Variants in ERCC6 observed in about 807,000 individuals in gnomAD.
The protein encoded by ERCC6 is ERCC excision repair 6, chromatin remodeling factor.
ERCC6 carries 116 observed loss-of-function variants against 158.7 expected under a neutral mutation model. The observed-to-expected ratio is 0.73, with a 90% CI of 0.63 to 0.85. ERCC6 has a LOEUF of 0.85. ERCC6 is among the 40% of genes least tolerant of loss of function. ERCC6 has a pLI of 0.00. For synonymous variants in ERCC6, 678 were observed against 659.3 expected (o/e 1.03, Z -0.43); for missense variants, 1,698 against 1,799.4 (o/e 0.94, Z 1.02).
chr10:49,539,243 G>T (rs1376797465), upstream of ERCC6, among the ~76,000 whole-genome samples: 1 of 152,256 alleles, frequency 6.6e-6, no homozygotes, highest in Non-Finnish European at 1.5e-5. Context: ...CTCCGCTGCC[G>T]GTCAGCTGGG....
At chr10:49,464,741 G>A (rs113059414) in intron 18 of ERCC6, among the ~76,000 whole-genome samples, 42 of 152,358 alleles carry the variant, frequency 2.8e-4, no homozygotes, top group African/African-American at 9.6e-4. Flanking sequence ...GCTTCAGATG[G>A]TGCAAGCCCC....
rs1419275144 is a variant in ERCC6 at position 49,493,147 on chromosome 10, T to C, written c.1791A>G (p.Leu597=). The C allele has an allele frequency of 6.2e-7, 1 of 1,614,182 alleles. No homozygotes were observed. Among genetic ancestry groups the C allele is most frequent in the Admixed American group, 1.7e-5 (1 of 60,030 alleles). The change falls in exon 8 of 21, where the codon CTA becomes CTG. Residue 597 remains leucine, a synonymous_variant. Transcript: ENST00000355832. ...TWWPPFRVAI[L]HETGSYTHKK... is the part of the protein sequence containing the mutation. ...TGTGGGTATAGGAACCGGTTTCATG[T>C]AGAATTGCCACTCTGAACGGAGGCC...
At chr10:49,436,639 C>T in the ERCC6 span, among the ~76,000 whole-genome samples, 1 of 152,250 alleles carries the variant, frequency 6.6e-6, no homozygotes, top group South Asian at 2.1e-4. Flanking sequence ...AGTCTGATAG[C>T]ATTACATATT....
Position 49,532,810 on chromosome 10 carries a change from T to C in ERCC6, c.155A>G (p.Asp52Gly). ...EEYLSFRSVG[D>G]GLSTSAVGCA... is the part of the protein sequence containing the mutation. ...CCCCACAGCAGAGGTGGACAGCCCG[T>C]CACCCACAGAACGAAAGGAGAGGTA... The change falls in exon 2 of 21, where the codon GAC becomes GGC. Residue 52 changes from aspartate (D) to glycine (G), a missense_variant. Transcript: ENST00000355832. 6.2e-7 allele frequency: 1 copy of C among 1,614,176 alleles called. No individual in the cohort carries two copies.
At chr10:49,508,689 C>A (rs1851485623) in intron 5 of ERCC6, among the ~76,000 whole-genome samples, 1 of 152,072 alleles carries the variant, frequency 6.6e-6, no homozygotes, top group Non-Finnish European at 1.5e-5. Context: ...GCATACAGAG[C>A]TCAGGCGAAG....
intron 10 of ERCC6, among the ~76,000 whole-genome samples, chr10:49,480,797 T>A (rs935480689): frequency 2.2e-4 from 34 of 152,128 alleles, no homozygotes; most frequent in Admixed American, 6.5e-4. Flanking sequence ...CTAGCCAAAA[T>A]GTATAACCTG....
upstream of ERCC6, chr10:49,539,504 T>G (rs1837686702): frequency 6.6e-6 from 1 of 152,398 alleles, no homozygotes; most frequent in Admixed American, 6.5e-5. Context: ...AGAGCTGTCC[T>G]GCTTCTCTGT....
intron 15 of ERCC6, 135 bp downstream of exon 15, chr10:49,472,774 G>T: frequency 1.8e-6 from 2 of 1,087,426 alleles, no homozygotes; most frequent in Non-Finnish European, 2.6e-6. Context: ...CTTCTTTCAC[G>T]TTGAAGAACA....
chr10:49,490,057 T>C (rs1487781618), intron 8 of ERCC6, among the ~76,000 whole-genome samples: 1 of 152,232 alleles, frequency 6.6e-6, no homozygotes, highest in Non-Finnish European at 1.5e-5. Flanking sequence ...AAAGGAAATC[T>C]TGAACTTTTA....
intron 8 of ERCC6, among the ~76,000 whole-genome samples, chr10:49,484,327 C>T (rs1851039485): frequency 6.6e-6 from 1 of 151,010 alleles, no homozygotes; most frequent in African/African-American, 2.4e-5. Context: ...AAAACAATCA[C>T]CATAAATGGA....
chr10:49,476,334 A>G, intron 11 of ERCC6, 24 bp from the exon 12 acceptor site: 1 of 1,533,676 alleles, frequency 6.5e-7, no homozygotes, highest in Non-Finnish European at 9.0e-7. Flanking sequence ...AAACAAGGAA[A>G]CTATAATTTC....
chr10:49,534,390 T>C (rs769355279), intron 1 of ERCC6, among the ~76,000 whole-genome samples: 2 of 152,208 alleles, frequency 1.3e-5, no homozygotes, highest in Non-Finnish European at 2.9e-5. Flanking sequence ...AGAGAACTAG[T>C]CACACACAGG....
At position 49,500,704 on chromosome 10, in the gene ERCC6, A is replaced by C. The variant is rs768505023; in HGVS notation, c.1527-8T>G. On this transcript the variant is annotated splice_region_variant and splice_polypyrimidine_tract_variant and intron_variant, in intron 6 of 20. Coordinates refer to ENST00000355832, the MANE Select transcript of ERCC6 (RefSeq NM_000124.4). ...ACACCTGTCTGCTGGTACCTATGAC[A>C]ACAAACACCAACAAGAAAAGAGAAA... The C allele has an allele frequency of 1.5e-5, 24 of 1,613,232 alleles. No homozygotes were observed. Among genetic ancestry groups the C allele is most frequent in the Non-Finnish European group, 2.0e-5 (24 of 1,179,794 alleles).
chr10:49,435,999 C>CA, the ERCC6 span, among the ~76,000 whole-genome samples: 2 of 83,756 alleles, frequency 2.4e-5, no homozygotes, highest in African/African-American at 8.8e-5. Context: ...CAGACTGTCT[C>CA]AAAAAAAAGA....
chr10:49,475,263 TTGA>T (rs1850856096), intron 12 of ERCC6: 29 of 299,142 alleles, frequency 9.7e-5, no homozygotes, highest in South Asian at 9.0e-4. Flanking sequence ...TTTTTAATTT[TTGA>T]TTACATATTA....
intron 8 of ERCC6, among the ~76,000 whole-genome samples, chr10:49,492,772 G>C (rs528526928): frequency 6.6e-6 from 1 of 152,288 alleles, no homozygotes; most frequent in Admixed American, 6.5e-5. Flanking sequence ...AAAACTGTTT[G>C]AAGCCACTAA....
At chr10:49,487,331 C>T (rs1851094151) in intron 8 of ERCC6, among the ~76,000 whole-genome samples, 1 of 152,144 alleles carries the variant, frequency 6.6e-6, no homozygotes, top group Non-Finnish European at 1.5e-5. Flanking sequence ...ATTATGACTA[C>T]TCATCTTCCA....
chr10:49,508,239 A>G (rs1443019378), intron 5 of ERCC6, among the ~76,000 whole-genome samples: 1 of 152,216 alleles, frequency 6.6e-6, no homozygotes, highest in Non-Finnish European at 1.5e-5. Context: ...TGCCTTTTGA[A>G]GTTTGGCACA....
rs1324299242 is a variant in ERCC6, at chr10:49,470,689, A to C, written c.3271T>G (p.Leu1091Val). 1 of 1,614,040 alleles carries C rather than the reference A, an allele frequency of 6.2e-7. No homozygotes were observed. The change falls in exon 18 of 21, where the codon TTG (leucine) becomes GTG (valine). Residue 1091 changes from leucine (L) to valine (V), a missense_variant. Transcript: ENST00000355832. The part of the protein sequence containing the change: ...NAVTSNRSDP[L>V]KDDPHMSSNV... ...CTACTCATGTGAGGGTCATCTTTCA[A>C]AGGATCACTTCGATTAGAAGTTACT...
Sources: allele counts gnomAD v4.1 joint callset (sites outside exome capture counted in the v4.1 genomes callset), GRCh38; gene constraint gnomAD v4.1.1; transcripts MANE v1.5; gene names NCBI Gene and HGNC (gene_info 2026-07-23, HGNC 2026-07-21).